SEMA3C: variants seen among roughly 807,000 people sequenced by gnomAD.
The protein encoded by SEMA3C is semaphorin 3C, also known as semaphorin-3C.
Under a neutral mutation model 89.4 loss-of-function variants are expected in SEMA3C, and 47 were observed. The ratio of observed to expected loss-of-function variants is 0.53; its 90% CI spans 0.42 to 0.67. The LOEUF (loss-of-function observed/expected upper bound fraction) is 0.67. SEMA3C is among the 30% of genes least tolerant of loss of function. The pLI, the probability that SEMA3C is intolerant of heterozygous loss-of-function variation, is 0.00. For missense variants in SEMA3C, 839 were observed against 929.1 expected (o/e 0.90, Z 1.26); for synonymous variants, 310 against 320.2 (o/e 0.97, Z 0.34).
At chr7:80,770,101 C>T (rs1262853939) in intron 12 of SEMA3C, among the ~76,000 whole-genome samples, 1 of 152,082 alleles carries the variant, frequency 6.6e-6, no homozygotes, top group Non-Finnish European at 1.5e-5. Flanking sequence ...ATTGATTCAA[C>T]AAGAAAGTAC....
chr7:80,884,355 G>A (rs1016667469), intron 2 of SEMA3C, among the ~76,000 whole-genome samples: 84 of 152,112 alleles, frequency 5.5e-4, no homozygotes, highest in Non-Finnish European at 1.1e-3. Context: ...TAACATAGAG[G>A]ACTTTTAACT....
chr7:80,745,365 G>T lies in SEMA3C; in HGVS notation c.1843-58C>A. The T allele has an allele frequency of 2.7e-6, 4 of 1,484,492 alleles. No homozygotes were observed. In the South Asian group the frequency reaches 3.5e-5, roughly 13 times the overall value. The allele number at this position is 1,484,492 out of a possible 1,614,324, so 92.0% of individuals were successfully genotyped here. ...TGAACATTATATTTCCTTAGATTAT[G>T]ACCAACATACACAGAATAGTCTCAA... is the stretch of plus-strand genomic sequence containing the variant. On this transcript the variant is annotated intron_variant, in intron 17 of 17. Coordinates refer to ENST00000265361, the MANE Select transcript of SEMA3C (RefSeq NM_006379.5).
At chr7:80,837,132 G>A (rs1790152454) in intron 2 of SEMA3C, among the ~76,000 whole-genome samples, 1 of 152,112 alleles carries the variant, frequency 6.6e-6, no homozygotes, top group African/African-American at 2.4e-5. Flanking sequence ...TGTTCTTGCA[G>A]TTATTTCTAC....
At position 80,758,289 on chromosome 7, in the gene SEMA3C, G is replaced by A. The variant is rs574696318; in HGVS notation, c.1643+42C>T. On this transcript the variant is annotated intron_variant, in intron 15 of 17. Transcript: ENST00000265361. Reference sequence around the variant, plus strand: ...ATGTGAAACACTTCTGTATTGTCTGGTGTCCTACATTTGGATGTTGAGCCG... The same window carrying A: ...ATGTGAAACACTTCTGTATTGTCTGATGTCCTACATTTGGATGTTGAGCCG... The A allele has an allele frequency of 2.5e-6, 4 of 1,585,750 alleles. No individual in the cohort carries two copies. The African/African-American group carries it at 4.1e-5, about 16-fold the overall frequency.
At chr7:80,885,546 A>C (rs777650635) in intron 2 of SEMA3C, among the ~76,000 whole-genome samples, 4 of 152,164 alleles carry the variant, frequency 2.6e-5, no homozygotes, top group Non-Finnish European at 4.4e-5. Context: ...GAGCCCACAA[A>C]GTAGAGACTG....
At chr7:80,884,539 A>G (rs1036588100) in intron 2 of SEMA3C, among the ~76,000 whole-genome samples, 3 of 152,220 alleles carry the variant, frequency 2.0e-5, no homozygotes, top group African/African-American at 7.2e-5. Flanking sequence ...TGTAGTGAAG[A>G]TAAGTAGCAA....
In SEMA3C at chr7:80,893,661, T is replaced by C. The variant is rs115198093; in HGVS notation, c.103+23018A>G. On this transcript the variant is annotated intron_variant, in intron 2 of 17. Coordinates refer to ENST00000265361, the MANE Select transcript of SEMA3C (RefSeq NM_006379.5). Reference sequence around the variant, plus strand: ...TTTAAATTATTTTATTTAAGGGAAATATATTGGAAGGCTTGGGTGGAGGGG... The same window carrying C: ...TTTAAATTATTTTATTTAAGGGAAACATATTGGAAGGCTTGGGTGGAGGGG... 2.7e-3 allele frequency among the ~76,000 whole-genome samples: 417 copies of C among 152,112 alleles called. 1 individual carries two copies. Among genetic ancestry groups the C allele is most frequent in the African/African-American group, 9.3e-3 (385 of 41,494 alleles).
At chr7:80,864,326 C>T (rs1015873828) in intron 2 of SEMA3C, among the ~76,000 whole-genome samples, 4 of 151,798 alleles carry the variant, frequency 2.6e-5, no homozygotes, top group South Asian at 2.1e-4. Context: ...ACCAGAATCT[C>T]GCAAATCACC....
At chr7:80,853,855 C>T (rs1468621824) in intron 2 of SEMA3C, among the ~76,000 whole-genome samples, 1 of 151,834 alleles carries the variant, frequency 6.6e-6, no homozygotes, top group Non-Finnish European at 1.5e-5. Context: ...CTACACATTG[C>T]ATACCTGTAT....
rs73709026 is a variant in SEMA3C, at chr7:80,823,265, C to T, written c.327+4160G>A. On this transcript the variant is annotated intron_variant, in intron 4 of 17. Transcript: ENST00000265361. ...AATATTAACTCATCAATCCTCTTAA[C>T]AACCCAATAAGGTTAAGTGCTACGG... 6.0e-3 allele frequency among the ~76,000 whole-genome samples: 916 copies of T among 152,260 alleles called. 15 individuals are homozygous for T. Among genetic ancestry groups the T allele is most frequent in the African/African-American group, 0.021 (872 of 41,558 alleles).
intron 2 of SEMA3C, among the ~76,000 whole-genome samples, chr7:80,895,178 C>T (rs1303127416): frequency 6.6e-6 from 1 of 152,146 alleles, no homozygotes; most frequent in Non-Finnish European, 1.5e-5. Flanking sequence ...AAAACTGTTC[C>T]TAAACTAGTC....
At chr7:80,768,349 T>C (rs1207015809) in intron 12 of SEMA3C, among the ~76,000 whole-genome samples, 4 of 151,712 alleles carry the variant, frequency 2.6e-5, no homozygotes, top group Non-Finnish European at 5.9e-5. Context: ...CCGTCTCTAC[T>C]AAAAAATACA....
At chr7:80,786,396 G>GAA (rs565539659) in intron 12 of SEMA3C, among the ~76,000 whole-genome samples, 2 of 129,184 alleles carry the variant, frequency 1.5e-5, no homozygotes. Context: ...AGATTTTCAT[G>GAA]AAAAAAAAAA....
intron 2 of SEMA3C, among the ~76,000 whole-genome samples, chr7:80,835,053 C>A (rs2115847120): frequency 6.6e-6 from 1 of 152,210 alleles, no homozygotes; most frequent in Non-Finnish European, 1.5e-5. Flanking sequence ...TAGGGTAACT[C>A]ATTCATTCAG....
chr7:80,764,924 A>C (rs934116587), intron 13 of SEMA3C, among the ~76,000 whole-genome samples: 1 of 152,224 alleles, frequency 6.6e-6, no homozygotes. Context: ...ATGATAGCTT[A>C]AAAACAGAAA....
upstream of SEMA3C, chr7:80,919,419 C>T (rs1475809304): frequency 2.1e-6 from 2 of 972,908 alleles, no homozygotes; most frequent in African/African-American, 3.5e-5. Flanking sequence ...CGAAGACTTA[C>T]ACAGGCTTTG....
Position 80,802,708 on chromosome 7 carries a change from C to G in SEMA3C, c.873G>C (p.Ser291=), listed in dbSNP as rs757267634. 1.4e-5 allele frequency: 23 copies of G among 1,613,420 alleles called. No individual in the cohort carries two copies. Among genetic ancestry groups the G allele is most frequent in the Non-Finnish European group, 1.8e-5 (21 of 1,179,522 alleles). The part of the protein sequence containing the change: ...TTFLKARLVC[S]VTDEDGPETH... ...TTTCTGGGCCGTCTTCATCTGTTACCGAGCACACCAGCCTCGCCTTTAAGA... is the reference window on the plus strand; with the variant it reads ...TTTCTGGGCCGTCTTCATCTGTTACGGAGCACACCAGCCTCGCCTTTAAGA... Residue 291 remains serine (S), a synonymous_variant, in exon 9 of 18, where the codon TCG becomes TCC. Transcript: ENST00000265361.
At chr7:80,773,779 C>G (rs1035613737) in intron 12 of SEMA3C, among the ~76,000 whole-genome samples, 42 of 152,252 alleles carry the variant, frequency 2.8e-4, no homozygotes, top group African/African-American at 9.4e-4. Context: ...CAGAAATTCA[C>G]GTGGAAACAC....
chr7:80,916,639 A>G, intron 2 of SEMA3C, 40 bp downstream of exon 2: 1 of 1,566,538 alleles, frequency 6.4e-7, no homozygotes, highest in Non-Finnish European at 8.7e-7. Context: ...AACAAAACTT[A>G]AAATAACATT....
Sources: gnomAD v4.1 joint callset for allele counts (sites outside exome capture counted in the v4.1 genomes callset) on GRCh38, gnomAD v4.1.1 for gene constraint, MANE v1.5 for transcripts, NCBI Gene and HGNC (gene_info 2026-07-23, HGNC 2026-07-21) for gene names.